Variants in NRXN1 observed in about 807,000 individuals in gnomAD.
NRXN1 encodes the protein neurexin 1, also known as neurexin-1.
Under a neutral mutation model 150.9 loss-of-function variants are expected in NRXN1, and 39 were observed. The observed-to-expected ratio is 0.26, with a 90% CI of 0.20 to 0.34. NRXN1 has a LOEUF of 0.34. Among genes scored for constraint, NRXN1 ranks in the 10% least tolerant of loss-of-function variants. The probability of loss-of-function intolerance (pLI) is 1.00; values close to 1 mark genes in which losing one functional copy is unlikely to be tolerated. For synonymous variants in NRXN1, 924 were observed against 757.0 expected, an observed-to-expected ratio of 1.22 and a Z score of -3.62; for missense variants, 1,815 against 1,949.9, an observed-to-expected ratio of 0.93 and a Z score of 1.30.
At chr2:50,946,099 C>A (rs1188405050) in intron 2 of NRXN1, among the ~76,000 whole-genome samples, 3 of 151,850 alleles carry the variant, frequency 2.0e-5, no homozygotes, top group Non-Finnish European at 1.5e-5. Context: ...AAACACCTGG[C>A]AGACTTAGGA....
chr2:50,146,847 T>C (rs1010632747), intron 18 of NRXN1, among the ~76,000 whole-genome samples: 4 of 151,666 alleles, frequency 2.6e-5, no homozygotes, highest in African/African-American at 7.3e-5. Context: ...TCGTCATACT[T>C]AGGTCAGTCT....
chr2:50,818,400 T>C (rs1016575475), intron 5 of NRXN1, among the ~76,000 whole-genome samples: 4 of 151,960 alleles, frequency 2.6e-5, no homozygotes, highest in African/African-American at 9.7e-5. Flanking sequence ...GGTAAGTTTA[T>C]CACTAACTGT....
intron 2 of NRXN1, among the ~76,000 whole-genome samples, chr2:50,998,802 A>G (rs1017793052): frequency 1.5e-4 from 23 of 152,212 alleles, no homozygotes; most frequent in Middle Eastern, 3.4e-3. Flanking sequence ...AATAATGTGA[A>G]TCCTTTCAAA....
intron 17 of NRXN1, among the ~76,000 whole-genome samples, chr2:50,248,254 A>G (rs2066694751): frequency 6.6e-6 from 1 of 152,090 alleles, no homozygotes; most frequent in Admixed American, 6.6e-5. Flanking sequence ...GCCTCAATAG[A>G]TCTTTCTGCC....
intron 17 of NRXN1, among the ~76,000 whole-genome samples, chr2:50,431,091 C>A (rs17533753): frequency 0.043 from 6,513 of 152,248 alleles, 161 homozygotes; most frequent in Middle Eastern, 0.058. Context: ...TCCTCATACC[C>A]GTGACATCTT....
intron 18 of NRXN1, among the ~76,000 whole-genome samples, chr2:50,224,864 G>C (rs1482817505): frequency 6.6e-6 from 1 of 151,828 alleles, no homozygotes; most frequent in Non-Finnish European, 1.5e-5. Context: ...CATCAAGTCA[G>C]GATGCAGGGA....
At chr2:50,305,066 G>C (rs931557016) in intron 17 of NRXN1, among the ~76,000 whole-genome samples, 2 of 152,122 alleles carry the variant, frequency 1.3e-5, no homozygotes, top group Non-Finnish European at 2.9e-5. Flanking sequence ...CTCCAGCCTG[G>C]GTGACAGAGC....
At chr2:50,562,756 G>C (rs905112738) in intron 8 of NRXN1, among the ~76,000 whole-genome samples, 4 of 151,976 alleles carry the variant, frequency 2.6e-5, no homozygotes, top group Non-Finnish European at 5.9e-5. Flanking sequence ...TTTCCGACTT[G>C]TAAGGCCTAC....
intron 15 of NRXN1, among the ~76,000 whole-genome samples, chr2:50,478,465 C>T (rs1006185484): frequency 6.6e-6 from 1 of 152,094 alleles, no homozygotes; most frequent in African/African-American, 2.4e-5. Flanking sequence ...CTCTGAGACA[C>T]AAGATCTGTG....
chr2:50,121,918 G>T (rs189003855), intron 18 of NRXN1, among the ~76,000 whole-genome samples: 3 of 152,124 alleles, frequency 2.0e-5, no homozygotes, highest in South Asian at 4.1e-4. Flanking sequence ...GCATACAACC[G>T]CAAGGGAGAA....
At chr2:50,559,686 T>C (rs1024553156) in intron 8 of NRXN1, among the ~76,000 whole-genome samples, 1 of 152,184 alleles carries the variant, frequency 6.6e-6, no homozygotes, top group African/African-American at 2.4e-5. Flanking sequence ...ATGTCATTGA[T>C]ATCCATATAA....
intron 16 of NRXN1, 94 bp downstream of exon 16, chr2:50,472,204 C>G (rs996375528): frequency 1.8e-6 from 2 of 1,091,034 alleles, no homozygotes; most frequent in African/African-American, 3.2e-5. Flanking sequence ...GGGTATTTGA[C>G]CAGTTATCAG....
intron 5 of NRXN1, among the ~76,000 whole-genome samples, chr2:50,798,012 G>A (rs1463843413): frequency 6.6e-6 from 1 of 152,082 alleles, no homozygotes. Flanking sequence ...GAGGCGGGCT[G>A]GTAGAAATTG....
At chr2:50,091,240 T>C (rs1291839410) in intron 19 of NRXN1, 83 bp downstream of exon 19, 2 of 1,503,496 alleles carry the variant, frequency 1.3e-6, no homozygotes, top group African/African-American at 2.7e-5. Flanking sequence ...AACCACAATT[T>C]GGTGAAACGG....
chr2:50,709,193 C>A (rs1363392020), intron 5 of NRXN1, among the ~76,000 whole-genome samples: 2 of 152,096 alleles, frequency 1.3e-5, no homozygotes, highest in African/African-American at 4.8e-5. Context: ...TGGTGGATGG[C>A]ACGTGATATT....
chr2:50,580,724 G>A (rs1672134439), intron 8 of NRXN1, among the ~76,000 whole-genome samples: 1 of 152,112 alleles, frequency 6.6e-6, no homozygotes, highest in African/African-American at 2.4e-5. Flanking sequence ...CCTCTCCTTT[G>A]TGGCAGTCTG....
intron 17 of NRXN1, among the ~76,000 whole-genome samples, chr2:50,254,905 C>G (rs960627417): frequency 6.6e-6 from 1 of 152,052 alleles, no homozygotes; most frequent in African/African-American, 2.4e-5. Flanking sequence ...CTCCTGAACT[C>G]AAGAGATCCT....
At chr2:50,838,802 T>C (rs1672456751) in intron 5 of NRXN1, among the ~76,000 whole-genome samples, 1 of 152,094 alleles carries the variant, frequency 6.6e-6, no homozygotes, top group African/African-American at 2.4e-5. Flanking sequence ...GCCCTGTCAG[T>C]ACCATGATTT....
intron 5 of NRXN1, among the ~76,000 whole-genome samples, chr2:50,903,314 A>T (rs1339316725): frequency 6.6e-6 from 1 of 152,166 alleles, no homozygotes; most frequent in Non-Finnish European, 1.5e-5. Context: ...GTTGACCAAA[A>T]TGACTTTTCT....
Sources: gnomAD v4.1 joint callset for allele counts (sites outside exome capture counted in the v4.1 genomes callset) on GRCh38, gnomAD v4.1.1 for gene constraint, MANE v1.5 for transcripts, NCBI Gene and HGNC (gene_info 2026-07-23, HGNC 2026-07-21) for gene names.